Variants in WFS1 observed in about 807,000 individuals in gnomAD.
The protein encoded by WFS1 is wolframin.
Under a neutral mutation model 68.5 loss-of-function variants are expected in WFS1, and 90 were observed. The ratio of observed to expected loss-of-function variants is 1.31; its 90% confidence interval spans 1.11 to 1.56. WFS1 has a LOEUF of 1.56. Among genes scored for constraint, WFS1 ranks in the 40% most tolerant of loss-of-function variants. The pLI is 0.00. For missense variants in WFS1, 1,767 were observed against 1,232.6 expected (o/e 1.43, Z -6.49); for synonymous variants, 860 against 540.7 (o/e 1.59, Z -8.19).
chr4:6,298,204 G>A (rs968460427), intron 7 of WFS1, among the ~76,000 whole-genome samples: 2 of 152,254 alleles, frequency 1.3e-5, no homozygotes, highest in Non-Finnish European at 2.9e-5. Flanking sequence ...GATTAACTGA[G>A]CAGCCTGCCG....
rs1730214188 is a variant in WFS1, at chr4:6,283,177, C to G, written c.233-3916C>G. On this transcript the variant is annotated intron_variant, in intron 2 of 7. Coordinates refer to ENST00000226760, the MANE Select transcript of WFS1 (RefSeq NM_006005.3). The surrounding 1 kb of genome is among the most constrained non-coding windows in gnomAD (Gnocchi z 5.0). Reference sequence around the variant, plus strand: ...CTGATTCCACGTGGCATCCATGAATCTCTCAAATCCATAGGGCCCGTGCAT... The same window carrying G: ...CTGATTCCACGTGGCATCCATGAATGTCTCAAATCCATAGGGCCCGTGCAT... Among the ~76,000 whole-genome samples, 2 of 152,130 alleles carry G rather than the reference C, an allele frequency of 1.3e-5. No homozygotes were observed. The highest frequency in any genetic ancestry group is 3.9e-4 in the East Asian group (2 of 5,180).
chr4:6,299,742 C>T (rs377200469), intron 7 of WFS1, among the ~76,000 whole-genome samples: 2 of 47,402 alleles, frequency 4.2e-5, no homozygotes, highest in Non-Finnish European at 7.9e-5. Context: ...GGGTAGGTTG[C>T]GTGTGTGTGT....
At chr4:6,282,668 G>A (rs937719589) in intron 2 of WFS1, among the ~76,000 whole-genome samples, 1 of 152,214 alleles carries the variant, frequency 6.6e-6, no homozygotes, top group Non-Finnish European at 1.5e-5. Context: ...CCCACTTTGG[G>A]AAAATTTTGT....
In WFS1 at chr4:6,289,098, A is replaced by G; in HGVS notation, c.427A>G (p.Lys143Glu). The part of the protein sequence containing the change: ...AAKQGRREAV[K>E]LLRRCLADRR... Reference sequence around the variant, plus strand: ...GAAGCAGGGCCGTCGCGAGGCTGTGAAGCTGCTTCGCCGGTGCTTGGCGGA... The same window carrying G: ...GAAGCAGGGCCGTCGCGAGGCTGTGGAGCTGCTTCGCCGGTGCTTGGCGGA... The change falls in exon 4 of 8, where the codon AAG (lysine) becomes GAG (glutamate). Residue 143 changes from lysine (K) to glutamate (E), a missense_variant. Lys to Glu is a moderately conservative substitution (Grantham distance 56). Coordinates refer to ENST00000226760, the MANE Select transcript of WFS1 (RefSeq NM_006005.3). 2 of 1,583,208 alleles carry G rather than the reference A, an allele frequency of 1.3e-6. No homozygotes were observed.
intron 2 of WFS1, among the ~76,000 whole-genome samples, chr4:6,284,234 A>G (rs1191838287): frequency 6.6e-6 from 1 of 152,070 alleles, no homozygotes; most frequent in Non-Finnish European, 1.5e-5. Context: ...TTAGCTGGGC[A>G]TGGTGGCGGC....
chr4:6,294,297 G>C (rs545403113), intron 6 of WFS1, among the ~76,000 whole-genome samples: 35 of 152,234 alleles, frequency 2.3e-4, no homozygotes, highest in Non-Finnish European at 4.6e-4. Context: ...TGGATAGAGG[G>C]GTCAGTGGGC....
rs1553876868 is a variant in WFS1, at chr4:6,291,024, G to GGCAGGGGCA, written c.461-173_461-172insGCAGGGGCA. Reference sequence around the variant, plus strand: ...CTGGCCTCCCAGCTGGAGAGTGGGCGTGGCGCGATGTCCTCTTGAGTCAGA... The same window carrying GGCAGGGGCA: ...CTGGCCTCCCAGCTGGAGAGTGGGCGGCAGGGGCATGGCGCGATGTCCTCTTGAGTCAGA... On this transcript the variant is annotated intron_variant, in intron 4 of 7. Transcript: ENST00000226760. 0.012 allele frequency among the ~76,000 whole-genome samples: 305 copies of GGCAGGGGCA among 25,294 alleles called. 1 individual carries two copies. Among genetic ancestry groups the GGCAGGGGCA allele is most frequent in the South Asian group, 0.053 (25 of 476 alleles). The allele number at this position is 25,294 out of a possible 152,430, so 16.6% of individuals were successfully genotyped here.
intron 4 of WFS1, among the ~76,000 whole-genome samples, chr4:6,290,702 C>CTCCCTCTCCCCGCTG (rs1273446428): frequency 6.6e-6 from 1 of 151,886 alleles, no homozygotes; most frequent in Non-Finnish European, 1.5e-5. Context: ...AAAACCTGCT[C>CTCCCTCTCCCCGCTG]TCCCTCTCCC....
In WFS1 at chr4:6,302,209, G is replaced by T; in HGVS notation, c.2414G>T (p.Arg805Leu). ...EDDVTKDIVL[R>L]ASSEFKSVLL... ...GACGTCACCAAGGACATCGTGCTGC[G>T]GGCCAGCAGCGAGTTCAAGAGCGTG... The change falls in exon 8 of 8, where the codon CGG (arginine) becomes CTG (leucine). Residue 805 changes from arginine to leucine, a missense_variant. Physicochemically the swap from Arg to Leu is moderately radical, Grantham distance 102. Coordinates refer to ENST00000226760, the MANE Select transcript of WFS1 (RefSeq NM_006005.3). 6.2e-7 allele frequency: 1 copy of T among 1,611,086 alleles called. No homozygotes were observed. The highest frequency in any genetic ancestry group is 8.5e-7 in the Non-Finnish European group (1 of 1,178,924).
At chr4:6,299,758 GGTGGGTTGCGT>G (rs371304721) in intron 7 of WFS1, among the ~76,000 whole-genome samples, 166 of 138,842 alleles carry the variant, frequency 1.2e-3, no homozygotes, top group African/African-American at 4.4e-3. Context: ...TGTGTGTAGG[GGTGGGTTGCGT>G]GTGTGTGAAT....
At position 6,283,171 on chromosome 4, in the gene WFS1, A is replaced by G. The variant is rs1464348145; in HGVS notation, c.233-3922A>G. 6.6e-6 allele frequency among the ~76,000 whole-genome samples: 1 copy of G among 152,192 alleles called. No homozygotes were observed. The highest frequency in any genetic ancestry group is 1.5e-5 in the Non-Finnish European group (1 of 68,030). On this transcript the variant is annotated intron_variant, in intron 2 of 7. Transcript: ENST00000226760. This position sits in a 1 kb window ranked among gnomAD's most constrained non-coding sequence, Gnocchi z 5.0. ...CATTGACTGATTCCACGTGGCATCCATGAATCTCTCAAATCCATAGGGCCC... is the reference window on the plus strand; with the variant it reads ...CATTGACTGATTCCACGTGGCATCCGTGAATCTCTCAAATCCATAGGGCCC...
chr4:6,299,467 T>G (rs13107831), intron 7 of WFS1, among the ~76,000 whole-genome samples: 1 of 133,746 alleles, frequency 7.5e-6, no homozygotes, highest in Admixed American at 7.6e-5. Flanking sequence ...TGTGTGAGGG[T>G]GCACGTGTGG....
At chr4:6,275,670 C>T (rs1391941631) in intron 1 of WFS1, among the ~76,000 whole-genome samples, 2 of 152,070 alleles carry the variant, frequency 1.3e-5, no homozygotes, top group Admixed American at 6.6e-5. Flanking sequence ...GGCTCAGTCC[C>T]TCTGAGGGAG....
chr4:6,291,948 G>C lies in WFS1; in HGVS notation c.663G>C (p.Lys221Asn), dbSNP rs2109117160. The C allele has an allele frequency of 6.2e-7, 1 of 1,611,428 alleles. No individual in the cohort carries two copies. Among genetic ancestry groups the C allele is most frequent in the Non-Finnish European group, 8.5e-7 (1 of 1,179,464 alleles). The change falls in exon 6 of 8, where the codon AAG (lysine) becomes AAC (asparagine). Residue 221 changes from lysine (K) to asparagine (N), a missense_variant. Physicochemically the swap from Lys to Asn is moderately conservative, Grantham distance 94. Transcript: ENST00000226760. Reference protein sequence around the residue: ...DGGAQPGPVPKSLQKQRRMLE... With the variant: ...DGGAQPGPVPNSLQKQRRMLE... ...GGGCGCAGCCAGGCCCCGTGCCCAAGTCCCTGCAGAAGCAGAGGCGCATGC... is the reference window on the plus strand; with the variant it reads ...GGGCGCAGCCAGGCCCCGTGCCCAACTCCCTGCAGAAGCAGAGGCGCATGC...
chr4:6,300,023 C>T (rs556093241), intron 7 of WFS1, among the ~76,000 whole-genome samples: 13 of 152,034 alleles, frequency 8.6e-5, no homozygotes, highest in Admixed American at 2.6e-4. Flanking sequence ...TCAGGGTCTC[C>T]GGCCATAGGG....
chr4:6,271,519 A>G (rs1729837517), intron 1 of WFS1, among the ~76,000 whole-genome samples: 2 of 152,122 alleles, frequency 1.3e-5, no homozygotes, highest in South Asian at 2.1e-4. Flanking sequence ...GGCAATAAGA[A>G]TCATAATAGG....
chr4:6,300,589 G>T, intron 7 of WFS1, 68 bp from the exon 8 acceptor site: 7 of 1,606,486 alleles, frequency 4.4e-6, no homozygotes, highest in Non-Finnish European at 5.9e-6. Flanking sequence ...GTGGTCAGAG[G>T]GAGGCGTGAG....
chr4:6,271,741 GCTCCTCCCTGGT>G (rs1288060143), intron 1 of WFS1, among the ~76,000 whole-genome samples: 1 of 152,144 alleles, frequency 6.6e-6, no homozygotes, highest in Non-Finnish European at 1.5e-5. Context: ...CGACCCCCAG[GCTCCTCCCTGGT>G]CCCGATCCGG....
chr4:6,292,392 C>T (rs1400732620), intron 6 of WFS1, among the ~76,000 whole-genome samples: 1 of 151,638 alleles, frequency 6.6e-6, no homozygotes, highest in Middle Eastern at 3.2e-3. Context: ...GAGGGAACAG[C>T]ATGAGCAAAG....
Sources: gnomAD v4.1 joint callset for allele counts (sites outside exome capture counted in the v4.1 genomes callset) on GRCh38, gnomAD v4.1.1 for gene constraint, Gnocchi (gnomAD v3.1) non-coding constraint, MANE v1.5 for transcripts, NCBI Gene and HGNC (gene_info 2026-07-23, HGNC 2026-07-21) for gene names.